The following SLC24A2 variants were observed in gnomAD, a reference collection of about 807,000 sequenced individuals.
The protein encoded by SLC24A2 is solute carrier family 24 member 2, also known as sodium/potassium/calcium exchanger 2.
In SLC24A2, 36 loss-of-function variants were observed where a neutral mutation model predicts 62.0. That is an observed-to-expected ratio of 0.58 (90% CI 0.44 to 0.77). SLC24A2 has a LOEUF of 0.77. SLC24A2 is among the 30% of genes least tolerant of loss of function. The probability of loss-of-function intolerance (pLI) is 0.00; values close to 1 mark genes in which losing one functional copy is unlikely to be tolerated. For synonymous variants in SLC24A2, 358 were observed against 294.0 expected (o/e 1.22, Z -2.23); for missense variants, 846 against 817.9 (o/e 1.03, Z -0.42).
chr9:20,174,840 C>G, the SLC24A2 span, among the ~76,000 whole-genome samples: 3 of 151,794 alleles, frequency 2.0e-5, no homozygotes, highest in African/African-American at 7.3e-5. Context: ...TCCAGCAATC[C>G]CACTACTGGG....
chr9:19,565,648 G>T (rs9695049), intron 7 of SLC24A2, among the ~76,000 whole-genome samples: 1 of 152,050 alleles, frequency 6.6e-6, no homozygotes, highest in Non-Finnish European at 1.5e-5. Context: ...AAAGAGCCCA[G>T]ATTGCCAAGA....
chr9:19,888,873 A>G, the SLC24A2 span, among the ~76,000 whole-genome samples: 1 of 152,198 alleles, frequency 6.6e-6, no homozygotes, highest in African/African-American at 2.4e-5. Flanking sequence ...CATGAGGACA[A>G]TCTGGAATCC....
the SLC24A2 span, among the ~76,000 whole-genome samples, chr9:20,202,448 A>G: frequency 6.6e-6 from 1 of 152,080 alleles, no homozygotes; most frequent in Non-Finnish European, 1.5e-5. Flanking sequence ...ATTTGTGTTG[A>G]AGTCTGGTTA....
the SLC24A2 span, among the ~76,000 whole-genome samples, chr9:20,296,474 A>G: frequency 6.6e-6 from 1 of 152,254 alleles, no homozygotes; most frequent in African/African-American, 2.4e-5. Flanking sequence ...CTTTATTCAC[A>G]ATGTTGACTT....
chr9:20,200,641 A>G, the SLC24A2 span, among the ~76,000 whole-genome samples: 1 of 152,234 alleles, frequency 6.6e-6, no homozygotes, highest in South Asian at 2.1e-4. Context: ...ACACATTGCT[A>G]GCATCCTTCT....
intron 4 of SLC24A2, among the ~76,000 whole-genome samples, chr9:19,614,773 G>A (rs964776804): frequency 6.6e-6 from 1 of 151,944 alleles, no homozygotes; most frequent in Non-Finnish European, 1.5e-5. Context: ...GAGACCACAG[G>A]GGGAATCAGG....
the SLC24A2 span, among the ~76,000 whole-genome samples, chr9:20,050,507 G>A: frequency 1.3e-5 from 2 of 152,094 alleles, no homozygotes; most frequent in Non-Finnish European, 2.9e-5. Context: ...CAATATGGTG[G>A]AGGTTAGAAA....
chr9:19,890,718 C>T, the SLC24A2 span, among the ~76,000 whole-genome samples: 8 of 152,212 alleles, frequency 5.3e-5, no homozygotes, highest in East Asian at 1.4e-3. Flanking sequence ...CACTATGTTG[C>T]CAGGTTGGTC....
chr9:19,881,033 T>C, the SLC24A2 span, among the ~76,000 whole-genome samples: 568 of 152,278 alleles, frequency 3.7e-3, 2 homozygotes, highest in African/African-American at 0.013. Flanking sequence ...AGGATCATAA[T>C]AGAAACAATC....
chr9:19,550,355 G>T, intron 7 of SLC24A2, 87 bp from the exon 8 acceptor site: 3 of 1,379,548 alleles, frequency 2.2e-6, no homozygotes, highest in Non-Finnish European at 3.1e-6. Flanking sequence ...CAAAGGGGAA[G>T]CTCCATGTCT....
At chr9:19,750,646 G>C (rs558298459) in intron 2 of SLC24A2, among the ~76,000 whole-genome samples, 40 of 152,050 alleles carry the variant, frequency 2.6e-4, no homozygotes, top group Non-Finnish European at 4.9e-4. Context: ...ATGCAATTTT[G>C]AGAATGTTTC....
intron 2 of SLC24A2, among the ~76,000 whole-genome samples, chr9:19,760,096 AT>A (rs965900438): frequency 6.6e-6 from 1 of 152,056 alleles, no homozygotes; most frequent in African/African-American, 2.4e-5. Context: ...GTTGCCTCCT[AT>A]TTTATTGAGA....
chr9:19,837,116 A>G, the SLC24A2 span, among the ~76,000 whole-genome samples: 699 of 152,244 alleles, frequency 4.6e-3, 6 homozygotes, highest in African/African-American at 0.016. Flanking sequence ...CCCACAGCCA[A>G]TATCATACTG....
upstream of SLC24A2, among the ~76,000 whole-genome samples, chr9:19,789,450 G>A (rs1823277765): frequency 6.6e-6 from 1 of 152,222 alleles, no homozygotes; most frequent in Non-Finnish European, 1.5e-5. Context: ...AAGGCACGGA[G>A]GCCTGCAGGA....
chr9:20,231,449 C>T, the SLC24A2 span, among the ~76,000 whole-genome samples: 2 of 152,168 alleles, frequency 1.3e-5, no homozygotes, highest in African/African-American at 4.8e-5. Context: ...AGGTCCTTCA[C>T]ATCCCTTTTA....
At chr9:20,266,170 T>C in the SLC24A2 span, among the ~76,000 whole-genome samples, 2 of 152,320 alleles carry the variant, frequency 1.3e-5, no homozygotes, top group Admixed American at 1.3e-4. Context: ...GCATGTGATC[T>C]CTGTGACCCA....
At chr9:19,920,246 ACT>A in the SLC24A2 span, among the ~76,000 whole-genome samples, 2 of 151,992 alleles carry the variant, frequency 1.3e-5, no homozygotes, top group Admixed American at 6.5e-5. Flanking sequence ...CATTTGGTAG[ACT>A]CTCAATATTT....
the SLC24A2 span, among the ~76,000 whole-genome samples, chr9:19,961,471 A>T: frequency 1.3e-5 from 2 of 152,162 alleles, no homozygotes; most frequent in Non-Finnish European, 2.9e-5. Context: ...AAAGGAAAGA[A>T]CTCTACATAT....
chr9:20,240,212 A>G, the SLC24A2 span, among the ~76,000 whole-genome samples: 2 of 152,186 alleles, frequency 1.3e-5, no homozygotes, highest in Non-Finnish European at 2.9e-5. Context: ...CTACCTGGGC[A>G]GAAGATGCTA....
Sources: allele counts gnomAD v4.1 joint callset (sites outside exome capture counted in the v4.1 genomes callset), GRCh38; gene constraint gnomAD v4.1.1; transcripts MANE v1.5; gene names NCBI Gene and HGNC (gene_info 2026-07-23, HGNC 2026-07-21).